TRMT10B: variants seen among roughly 807,000 people sequenced by gnomAD.
TRMT10B encodes the protein tRNA methyltransferase 10 homolog B.
A neutral mutation model predicts 43.8 loss-of-function variants in TRMT10B; 33 were observed. That is an observed-to-expected ratio of 0.75 (90% CI 0.57 to 1.01). TRMT10B has a LOEUF of 1.01. Among genes scored for constraint, TRMT10B ranks in the 50% least tolerant of loss-of-function variants. The probability of loss-of-function intolerance (pLI) is 0.00; values close to 1 mark genes in which losing one functional copy is unlikely to be tolerated. For synonymous variants in TRMT10B, 137 were observed against 130.6 expected (o/e 1.05, Z -0.34); for missense variants, 362 against 369.8 (o/e 0.98, Z 0.17).
rs893775933 is a variant in TRMT10B, at chr9:37,754,395, C to T, written c.-30+543C>T. On this transcript the variant is annotated intron_variant, in intron 1 of 8. Transcript: ENST00000297994. The stretch of plus-strand genomic sequence containing the variant: ...GGCCTTGAAGGGTATGTTTGAGGAA[C>T]AGCAAATAGACCCCGGAGTGCAGAG... 2.5e-4 allele frequency among the ~76,000 whole-genome samples: 38 copies of T among 152,266 alleles called. 1 individual carries two copies. Among genetic ancestry groups the T allele is most frequent in the African/African-American group, 9.1e-4 (38 of 41,546 alleles).
At chr9:37,763,143 CAAA>C (rs747893643) in intron 3 of TRMT10B, among the ~76,000 whole-genome samples, 9 of 50,208 alleles carry the variant, frequency 1.8e-4, no homozygotes, top group East Asian at 1.6e-3. Context: ...GACTCTGTCT[CAAA>C]AAAAAAAAAA....
At chr9:37,766,116 C>A (rs1471209935) in intron 4 of TRMT10B, among the ~76,000 whole-genome samples, 1 of 152,040 alleles carries the variant, frequency 6.6e-6, no homozygotes, top group Non-Finnish European at 1.5e-5. Flanking sequence ...GCTTTTGTTG[C>A]CGTTGCTTTT....
At chr9:37,773,245 C>CT (rs1827776974) in intron 7 of TRMT10B, among the ~76,000 whole-genome samples, 1 of 151,780 alleles carries the variant, frequency 6.6e-6, no homozygotes, top group Non-Finnish European at 1.5e-5. Flanking sequence ...GTACGTAGGA[C>CT]TATAGGCACA....
At chr9:37,762,977 CA>C (rs57643861) in intron 3 of TRMT10B, among the ~76,000 whole-genome samples, 22,668 of 85,072 alleles carry the variant, frequency 0.27, 1,871 homozygotes, top group South Asian at 0.34. Context: ...ACTAAAAATA[CA>C]AAAAAAAAAA....
chr9:37,769,621 T>C, intron 5 of TRMT10B: 1 of 225,424 alleles, frequency 4.4e-6, no homozygotes, highest in African/African-American at 2.3e-5. Flanking sequence ...GAGCGGGGTT[T>C]TTTTTTTTTT....
At position 37,763,670 on chromosome 9, in the gene TRMT10B, A is replaced by T; in HGVS notation, c.337A>T (p.Thr113Ser). The T allele has an allele frequency of 6.2e-7, 1 of 1,614,152 alleles. No homozygotes were observed. The highest frequency in any genetic ancestry group is 8.5e-7 in the Non-Finnish European group (1 of 1,180,020). ...CAGCAAACGTTTCCTGAGAGCTCTA[A>T]CCAAAGACAAACTTTTGGAAGCCAA... ...QHSKRFLRAL[T>S]KDKLLEAKHS... Residue 113 changes from threonine to serine, a missense_variant, in exon 4 of 9, where the codon ACC becomes TCC. By Grantham distance (58) the Thr-to-Ser change is moderately conservative (BLOSUM62 1). Transcript: ENST00000297994.
rs537182163 is a variant in TRMT10B, at chr9:37,766,450, G to A, written c.421-1626G>A. ...GTTCCATTGGTCTATATCTGTTTTG[G>A]TACCAGTACCATGCTGTTTTGGTTA... On this transcript the variant is annotated intron_variant, in intron 4 of 8. Coordinates refer to ENST00000297994, the MANE Select transcript of TRMT10B (RefSeq NM_144964.4). Among the ~76,000 whole-genome samples the A allele has an allele frequency of 7.4e-3, 1,129 of 152,180 alleles. 21 individuals carry two copies. The highest frequency in any genetic ancestry group is 0.026 in the African/African-American group (1,079 of 41,508).
At chr9:37,770,098 C>A in intron 6 of TRMT10B, 79 bp downstream of exon 6, 1 of 1,335,546 alleles carries the variant, frequency 7.5e-7, no homozygotes, top group Non-Finnish European at 1.1e-6. Flanking sequence ...TTTATTAAAG[C>A]CCCTCAAGAA....
rs763722208 is a variant in TRMT10B, at chr9:37,768,187, G to C, written c.532G>C (p.Glu178Gln). The change falls in exon 5 of 9, where the codon GAA (glutamate) becomes CAA (glutamine). Residue 178 changes from glutamate (E) to glutamine (Q), a missense_variant. By Grantham distance (29) the Glu-to-Gln change is conservative. Transcript: ENST00000297994. ...ATTCACAACAGACAGTCCCCTTTAT[G>C]AAGAGTGTGTGAGGATGAATGATGG... ...TGFTTDSPLYEECVRMNDGFS... is the reference protein window; with the variant it reads ...TGFTTDSPLYQECVRMNDGFS... 27 of 1,614,044 alleles carry C rather than the reference G, an allele frequency of 1.7e-5. No individual in the cohort carries two copies. Among genetic ancestry groups the C allele is most frequent in the Non-Finnish European group, 2.3e-5 (27 of 1,180,010 alleles).
rs542780447 is a variant in TRMT10B at position 37,769,924 on chromosome 9, CTGTT to C, written c.574-14_574-11del. On this transcript the variant is annotated splice_polypyrimidine_tract_variant and intron_variant, in intron 5 of 8. Coordinates refer to ENST00000297994, the MANE Select transcript of TRMT10B (RefSeq NM_144964.4). ...AGCCGTGAGCTGTTTTAACATCAGACTGTTTGCATTTTCCAGTTAGACATAACAG... is the reference window on the plus strand; with the variant it reads ...AGCCGTGAGCTGTTTTAACATCAGACTGCATTTTCCAGTTAGACATAACAG... 6.2e-7 allele frequency: 1 copy of C among 1,611,100 alleles called. No homozygotes were observed. Among genetic ancestry groups the C allele is most frequent in the East Asian group, 2.2e-5 (1 of 44,876 alleles).
Position 37,777,908 on chromosome 9 carries a change from G to C in TRMT10B, c.*201G>C. 2.3e-6 allele frequency: 1 copy of C among 432,462 alleles called. No homozygotes were observed. The highest frequency in any genetic ancestry group is 4.3e-6 in the Non-Finnish European group (1 of 234,602). The allele number at this position is 432,462 out of a possible 1,614,324, so 26.8% of individuals were successfully genotyped here. A position where few individuals can be genotyped will look rare whatever the true frequency, so the allele number is the denominator to read the frequency against. On this transcript the variant is annotated 3_prime_UTR_variant, in exon 9 of 9. Coordinates refer to ENST00000297994, the MANE Select transcript of TRMT10B (RefSeq NM_144964.4). ...TAGTCCCAGCTACTTGGGAGGCTGA[G>C]GCAGGAGAATCACTTGAACTCGGGA... is the stretch of plus-strand genomic sequence containing the variant.
intron 8 of TRMT10B, among the ~76,000 whole-genome samples, chr9:37,777,152 C>T (rs1224096972): frequency 8.3e-6 from 1 of 120,864 alleles, no homozygotes; most frequent in African/African-American, 3.3e-5. Flanking sequence ...TGAGATCGTG[C>T]CATTGCACTC....
chr9:37,759,734 T>C (rs1216973339), intron 1 of TRMT10B, among the ~76,000 whole-genome samples: 1 of 152,174 alleles, frequency 6.6e-6, no homozygotes, highest in Non-Finnish European at 1.5e-5. Context: ...GGAGAATTGC[T>C]TGAACTCAGG....
At chr9:37,774,867 G>C (rs1027518881) in intron 7 of TRMT10B, among the ~76,000 whole-genome samples, 3 of 152,214 alleles carry the variant, frequency 2.0e-5, no homozygotes, top group African/African-American at 7.2e-5. Flanking sequence ...TACTGGACTA[G>C]CTTAGAACAA....
At chr9:37,767,985 C>A in intron 4 of TRMT10B, 91 bp from the exon 5 acceptor site, 3 of 1,447,256 alleles carry the variant, frequency 2.1e-6, no homozygotes, top group Admixed American at 1.8e-5. Context: ...TCTGGAGTAG[C>A]GTTCAGTGAA....
At position 37,763,757 on chromosome 9, in the gene TRMT10B, G is replaced by A. The variant is rs760635574; in HGVS notation, c.420+4G>A. 8.4e-5 allele frequency: 135 copies of A among 1,613,784 alleles called. No individual in the cohort carries two copies. Among genetic ancestry groups the A allele is most frequent in the Non-Finnish European group, 1.1e-4 (130 of 1,179,878 alleles). On this transcript the variant is annotated splice_donor_region_variant and intron_variant, in intron 4 of 8. Transcript: ENST00000297994. ...GACCCACTACATGTCAAAGAAGGTAGAACATCCACTAAGCCTGGAATTCCT... is the reference window on the plus strand; with the variant it reads ...GACCCACTACATGTCAAAGAAGGTAAAACATCCACTAAGCCTGGAATTCCT...
chr9:37,777,531 A>C, intron 8 of TRMT10B, 70 bp from the exon 9 acceptor site: 1 of 1,278,648 alleles, frequency 7.8e-7, no homozygotes, highest in Non-Finnish European at 1.1e-6. Context: ...ATATTACAGA[A>C]CATCCTTTTC....
chr9:37,767,092 ACT>A (rs1474920218), intron 4 of TRMT10B: 1 of 151,926 alleles, frequency 6.6e-6, no homozygotes, highest in African/African-American at 2.4e-5. Flanking sequence ...TAAATTGTAA[ACT>A]CTCTTTTTAG....
upstream of TRMT10B, among the ~76,000 whole-genome samples, chr9:37,752,928 A>T (rs546508216): frequency 4.6e-5 from 7 of 152,106 alleles, no homozygotes; most frequent in African/African-American, 1.4e-4. Context: ...GCCTTTCTGG[A>T]CTGTGGGTGC....
Sources: allele counts gnomAD v4.1 joint callset (sites outside exome capture counted in the v4.1 genomes callset), GRCh38; gene constraint gnomAD v4.1.1; transcripts MANE v1.5; gene names NCBI Gene and HGNC (gene_info 2026-07-23, HGNC 2026-07-21).